Variants in CEP85L observed in about 807,000 individuals in gnomAD.
CEP85L encodes the protein centrosomal protein 85L, also known as centrosomal protein of 85 kDa-like.
Under a neutral mutation model 100.3 loss-of-function variants are expected in CEP85L, and 60 were observed. That is an observed-to-expected ratio of 0.60 (90% CI 0.49 to 0.74). The LOEUF is 0.74. CEP85L is among the 30% of genes least tolerant of loss of function. CEP85L has a pLI of 0.00. For synonymous variants in CEP85L, 319 were observed against 322.7 expected (o/e 0.99, Z 0.12); for missense variants, 973 against 936.2 (o/e 1.04, Z -0.51).
chr6:118,504,797 TAC>T (rs1775537483), intron 5 of CEP85L, among the ~76,000 whole-genome samples: 1 of 152,136 alleles, frequency 6.6e-6, no homozygotes, highest in African/African-American at 2.4e-5. Flanking sequence ...TCTCTACACA[TAC>T]AGTGTCAGGA....
intron 3 of CEP85L, among the ~76,000 whole-genome samples, chr6:118,536,600 C>A (rs1004176452): frequency 6.6e-6 from 1 of 152,142 alleles, no homozygotes; most frequent in Non-Finnish European, 1.5e-5. Context: ...CTATAGATGA[C>A]AGAATGCACT....
chr6:118,466,967 G>A (rs1021012707), intron 12 of CEP85L, among the ~76,000 whole-genome samples: 3 of 152,142 alleles, frequency 2.0e-5, no homozygotes, highest in East Asian at 1.9e-4. Flanking sequence ...TCATCAACTT[G>A]AGTGATGGGC....
intron 5 of CEP85L, 75 bp from the exon 6 acceptor site, chr6:118,491,940 GTATAA>G: frequency 8.7e-7 from 1 of 1,150,274 alleles, no homozygotes; most frequent in South Asian, 1.5e-5. Flanking sequence ...TGGAAATGAA[GTATAA>G]TATAAGGAGT....
At chr6:118,586,512 C>T (rs1780871750) in intron 2 of CEP85L, among the ~76,000 whole-genome samples, 1 of 152,150 alleles carries the variant, frequency 6.6e-6, no homozygotes, top group South Asian at 2.1e-4. Flanking sequence ...GGGCCTCACA[C>T]TGTTCTTCTT....
intron 3 of CEP85L, among the ~76,000 whole-genome samples, chr6:118,538,393 G>C (rs1777721917): frequency 6.6e-6 from 1 of 151,784 alleles, no homozygotes; most frequent in Non-Finnish European, 1.5e-5. Context: ...AAAAGAAACT[G>C]ATGATATAAA....
intron 5 of CEP85L, among the ~76,000 whole-genome samples, chr6:118,508,483 C>T (rs1388501403): frequency 1.3e-5 from 2 of 152,002 alleles, no homozygotes; most frequent in Non-Finnish European, 2.9e-5. Flanking sequence ...AATGGAAATA[C>T]AAACTATTCC....
At chr6:118,622,454 C>A (rs528685783) in intron 2 of CEP85L, among the ~76,000 whole-genome samples, 14 of 152,246 alleles carry the variant, frequency 9.2e-5, no homozygotes, top group Middle Eastern at 6.8e-3. Context: ...TTTAACTAAC[C>A]CTGACCTTAA....
intron 3 of CEP85L, chr6:118,537,930 T>TA: frequency 1.0e-6 from 1 of 979,812 alleles, no homozygotes; most frequent in African/African-American, 1.7e-5. Flanking sequence ...TGTTTTCTGG[T>TA]AAGAGTCATA....
At chr6:118,504,191 T>TA (rs1775496321) in intron 5 of CEP85L, among the ~76,000 whole-genome samples, 1 of 152,086 alleles carries the variant, frequency 6.6e-6, no homozygotes. Flanking sequence ...CTGGCCAACC[T>TA]AATGAAACCC....
chr6:118,526,153 T>C lies in CEP85L; in HGVS notation c.1021-2233A>G, dbSNP rs1776951318. 2.6e-5 allele frequency among the ~76,000 whole-genome samples: 4 copies of C among 152,222 alleles called. No individual in the cohort carries two copies. In the South Asian group the frequency reaches 8.3e-4, roughly 32 times the overall value. On this transcript the variant is annotated intron_variant, in intron 3 of 12. Transcript: ENST00000368491. Reference sequence around the variant, plus strand: ...GGCAGGTTAGACATCTGCCTCTGAATTTCATTCTCTCCCTTGCCTAATATA... The same window carrying C: ...GGCAGGTTAGACATCTGCCTCTGAACTTCATTCTCTCCCTTGCCTAATATA...
upstream of CEP85L, chr6:118,656,727 G>A (rs539483888): frequency 6.6e-6 from 1 of 151,992 alleles, no homozygotes; most frequent in African/African-American, 2.4e-5. Context: ...CAGTGTTATT[G>A]GGATGTCCAT....
chr6:118,693,891 C>G (rs1777123039), intron 1 of CEP85L, among the ~76,000 whole-genome samples: 1 of 152,128 alleles, frequency 6.6e-6, no homozygotes, highest in South Asian at 2.1e-4. Context: ...TTTCAAAGTC[C>G]ATAGGTTTGA....
upstream of CEP85L, chr6:118,652,425 T>C (rs1775620659): frequency 8.7e-7 from 1 of 1,149,878 alleles, no homozygotes; most frequent in Non-Finnish European, 1.1e-6. Flanking sequence ...AATATGGTGA[T>C]GCTTCCAACG....
At chr6:118,600,054 C>G (rs1781646604) in intron 2 of CEP85L, among the ~76,000 whole-genome samples, 1 of 150,964 alleles carries the variant, frequency 6.6e-6, no homozygotes, top group Admixed American at 6.6e-5. Flanking sequence ...TAAATGTGTA[C>G]ATATAGGAGT....
In CEP85L at chr6:118,469,099, T is replaced by G. The variant is rs1459035588; in HGVS notation, c.2227A>C (p.Asn743His). 1.9e-6 allele frequency: 3 copies of G among 1,613,278 alleles called. No homozygotes were observed. The highest frequency in any genetic ancestry group is 2.5e-6 in the Non-Finnish European group (3 of 1,179,268). Reference protein sequence around the residue: ...LNQRAQGKEPNLSLLLGIRSM... With the variant: ...LNQRAQGKEPHLSLLLGIRSM... ...CTTATTCCCAGTAATAATGAAAGAT[T>G]AGGCTCCTTGCCCTGAGCACGCTGA... Residue 743 changes from asparagine (N) to histidine (H), a missense_variant, in exon 12 of 13, where the codon AAT (asparagine) becomes CAT (histidine). Coordinates refer to ENST00000368491, the MANE Select transcript of CEP85L (RefSeq NM_001042475.3).
At chr6:118,548,726 T>C (rs1778355343) in intron 3 of CEP85L, among the ~76,000 whole-genome samples, 1 of 152,072 alleles carries the variant, frequency 6.6e-6, no homozygotes, top group Admixed American at 6.5e-5. Flanking sequence ...CCATATTTGG[T>C]AGTAGTGGTT....
intron 3 of CEP85L, among the ~76,000 whole-genome samples, chr6:118,534,272 T>A (rs1777461291): frequency 6.6e-6 from 1 of 152,150 alleles, no homozygotes; most frequent in Non-Finnish European, 1.5e-5. Context: ...AAATGTATTA[T>A]CATTTACATC....
At chr6:118,646,677 G>C (rs1363090938) in intron 1 of CEP85L, among the ~76,000 whole-genome samples, 1 of 152,000 alleles carries the variant, frequency 6.6e-6, no homozygotes, top group Non-Finnish European at 1.5e-5. Flanking sequence ...AATAAAAAAT[G>C]ATATTGCTTA....
At chr6:118,701,555 T>C (rs1424734347) in intron 1 of CEP85L, among the ~76,000 whole-genome samples, 8 of 152,150 alleles carry the variant, frequency 5.3e-5, no homozygotes, top group African/African-American at 1.7e-4. Flanking sequence ...TTCTCACTTA[T>C]AAGTGGAAGT....
Sources: gnomAD v4.1 joint callset for allele counts (sites outside exome capture counted in the v4.1 genomes callset) on GRCh38, gnomAD v4.1.1 for gene constraint, MANE v1.5 for transcripts, NCBI Gene and HGNC (gene_info 2026-07-23, HGNC 2026-07-21) for gene names.